SYTL3: variants seen among roughly 807,000 people sequenced by gnomAD.
SYTL3 encodes the protein synaptotagmin-like protein 3.
SYTL3 carries 88 observed loss-of-function variants against 82.1 expected under a neutral mutation model. That is an observed-to-expected ratio of 1.07 (90% CI 0.90 to 1.28). The LOEUF (loss-of-function observed/expected upper bound fraction) is 1.28. SYTL3 is among the 50% of genes most tolerant of loss of function. The pLI is 0.00. For missense variants in SYTL3, 831 were observed against 757.6 expected (o/e 1.10, Z -1.14); for synonymous variants, 311 against 289.4 (o/e 1.07, Z -0.76).
intron 8 of SYTL3, among the ~76,000 whole-genome samples, chr6:158,713,393 A>G (rs1341139274): frequency 6.6e-6 from 1 of 152,052 alleles, no homozygotes; most frequent in African/African-American, 2.4e-5. Flanking sequence ...TGTGCCACCC[A>G]CATCCTGCCA....
chr6:158,753,951 C>T (rs1336317271), intron 13 of SYTL3, among the ~76,000 whole-genome samples: 1 of 152,006 alleles, frequency 6.6e-6, no homozygotes, highest in Non-Finnish European at 1.5e-5. Flanking sequence ...CGGCCAGCCT[C>T]ATCCTTAATA....
upstream of SYTL3, among the ~76,000 whole-genome samples, chr6:158,649,477 A>C (rs989525604): frequency 6.6e-6 from 1 of 152,218 alleles, no homozygotes; most frequent in Non-Finnish European, 1.5e-5. Flanking sequence ...CTTTGCACAC[A>C]CTTCATTGTC....
chr6:158,715,221 C>A (rs1417148988), intron 9 of SYTL3, among the ~76,000 whole-genome samples: 1 of 152,096 alleles, frequency 6.6e-6, no homozygotes, highest in Non-Finnish European at 1.5e-5. Context: ...GGTGCACAGC[C>A]CTTCTCCAAA....
Position 158,721,251 on chromosome 6 carries a change from T to G in SYTL3, c.720+3040T>G, listed in dbSNP as rs1217398291. ...TTCATTTTGAGACCAAGTCTCGCTG[T>G]CTTGCCCAGGCTGGAGTGCAGTGGT... On this transcript the variant is annotated intron_variant, in intron 10 of 17. Transcript: ENST00000611299. Among the ~76,000 whole-genome samples, 3 of 152,318 alleles carry G rather than the reference T, an allele frequency of 2.0e-5. No homozygotes were observed. In the East Asian group the frequency reaches 5.8e-4, roughly 29 times the overall value.
chr6:158,746,361 T>G (rs1787639061), intron 12 of SYTL3, among the ~76,000 whole-genome samples: 1 of 151,674 alleles, frequency 6.6e-6, no homozygotes, highest in Non-Finnish European at 1.5e-5. Context: ...AATACAAAAT[T>G]AAAATCTTGA....
chr6:158,760,014 C>T (rs771516697), intron 14 of SYTL3, among the ~76,000 whole-genome samples: 7 of 152,132 alleles, frequency 4.6e-5, no homozygotes, highest in Non-Finnish European at 8.8e-5. Flanking sequence ...CTAGACTCTT[C>T]CCAATACTCT....
In SYTL3 at chr6:158,745,659, G is replaced by C. The variant is rs191050527; in HGVS notation, c.1034+1G>C. The C allele has an allele frequency of 6.3e-7, 1 of 1,577,962 alleles. No homozygotes were observed. The highest frequency in any genetic ancestry group is 2.3e-5 in the East Asian group (1 of 44,188). On this transcript the variant is annotated splice_donor_variant, in intron 12 of 17. Transcript: ENST00000611299. LOFTEE classifies it high-confidence loss of function. Reference sequence around the variant, plus strand: ...AAGAAAAGAAGAAAAAGTGCAATCCGTAAGTTGTTTTTTTTAAGTTTAACA... The same window carrying C: ...AAGAAAAGAAGAAAAAGTGCAATCCCTAAGTTGTTTTTTTTAAGTTTAACA...
chr6:158,696,167 C>T (rs1222127565), intron 6 of SYTL3, among the ~76,000 whole-genome samples: 1 of 152,090 alleles, frequency 6.6e-6, no homozygotes, highest in East Asian at 1.9e-4. Flanking sequence ...CACAAGGGTT[C>T]CAATTTTTTC....
chr6:158,707,773 G>C (rs978200396), intron 7 of SYTL3, among the ~76,000 whole-genome samples: 6 of 152,188 alleles, frequency 3.9e-5, no homozygotes, highest in Non-Finnish European at 8.8e-5. Flanking sequence ...TCACACACCT[G>C]ATTACACTCA....
intron 11 of SYTL3, among the ~76,000 whole-genome samples, chr6:158,732,238 C>T (rs1785496452): frequency 6.6e-6 from 1 of 152,144 alleles, no homozygotes; most frequent in African/African-American, 2.4e-5. Flanking sequence ...AAAAGAATTA[C>T]TCCTTCTAGT....
chr6:158,720,587 C>G (rs143887208), intron 10 of SYTL3, among the ~76,000 whole-genome samples: 1 of 152,084 alleles, frequency 6.6e-6, no homozygotes, highest in East Asian at 1.9e-4. Context: ...CAGGAAGGGG[C>G]GTGTGGAAGC....
intron 6 of SYTL3, among the ~76,000 whole-genome samples, chr6:158,703,376 G>A (rs957432206): frequency 5.3e-5 from 8 of 152,074 alleles, no homozygotes; most frequent in Non-Finnish European, 7.4e-5. Context: ...AGCCAGACCG[G>A]GCAGGGTGGT....
At chr6:158,680,575 CAA>C (rs71297002) in intron 5 of SYTL3, among the ~76,000 whole-genome samples, 5 of 78,260 alleles carry the variant, frequency 6.4e-5, no homozygotes, top group Non-Finnish European at 7.9e-5. Context: ...CCCGTCTCTA[CAA>C]AAAAAAAAAA....
At chr6:158,710,793 C>CT (rs1562407666) in intron 8 of SYTL3, among the ~76,000 whole-genome samples, 1 of 107,104 alleles carries the variant, frequency 9.3e-6, no homozygotes, top group East Asian at 2.3e-4. Context: ...TTGCTTTTTT[C>CT]TTTTTTTGAG....
intron 1 of SYTL3, among the ~76,000 whole-genome samples, chr6:158,650,792 A>T (rs993586319): frequency 4.0e-5 from 6 of 151,502 alleles, no homozygotes; most frequent in African/African-American, 7.3e-5. Flanking sequence ...AAAAAAAAAA[A>T]ATACAAAAAT....
rs1220955977 is a variant in SYTL3, at chr6:158,762,170, TGTTAAGGGGTAGGTATTC to T, written c.1511_1517+11del. 2.5e-6 allele frequency: 4 copies of T among 1,611,234 alleles called. No homozygotes were observed. The highest frequency in any genetic ancestry group is 3.4e-6 in the Non-Finnish European group (4 of 1,177,488). On this transcript the variant is annotated splice_donor_variant and splice_donor_5th_base_variant and coding_sequence_variant and intron_variant, in exon 16 of 18. Transcript: ENST00000611299. LOFTEE classifies it high-confidence loss of function. ...GGCCAGATGGCACCTTGAACTCATT[TGTTAAGGGGTAGGTATTC>T]GATGTAATCAAATATTTATTGGTGA...
intron 12 of SYTL3, 45 bp from the exon 13 acceptor site, chr6:158,751,883 C>T (rs1175489732): frequency 9.0e-6 from 13 of 1,449,244 alleles, no homozygotes; most frequent in East Asian, 7.6e-5. Flanking sequence ...TTATCCACCC[C>T]TTTCCCTGAG....
At chr6:158,741,402 T>C (rs2128505942) in intron 11 of SYTL3, among the ~76,000 whole-genome samples, 1 of 152,330 alleles carries the variant, frequency 6.6e-6, no homozygotes, top group East Asian at 1.9e-4. Flanking sequence ...TTGTGTGACA[T>C]GCAGTAGGGC....
At chr6:158,684,797 TC>T (rs2128410372) in intron 6 of SYTL3, among the ~76,000 whole-genome samples, 1 of 147,570 alleles carries the variant, frequency 6.8e-6, no homozygotes, top group African/African-American at 2.5e-5. Context: ...TGGTTTATAT[TC>T]CTGGCTCTTC....
Sources: allele counts gnomAD v4.1 joint callset (sites outside exome capture counted in the v4.1 genomes callset), GRCh38; gene constraint gnomAD v4.1.1; transcripts MANE v1.5; gene names NCBI Gene and HGNC (gene_info 2026-07-23, HGNC 2026-07-21).